The following FBXL2 variants were observed in gnomAD, a reference collection of about 807,000 sequenced individuals.
FBXL2 encodes F-box/LRR-repeat protein 2.
Under a neutral mutation model 69.2 loss-of-function variants are expected in FBXL2, and 38 were observed. That is an observed-to-expected ratio of 0.55 (90% CI 0.42 to 0.72). The LOEUF is 0.72. Among genes scored for constraint, FBXL2 ranks in the 30% least tolerant of loss-of-function variants. The pLI is 0.00. For missense variants in FBXL2, 354 were observed against 520.3 expected (o/e 0.68, Z 3.11); for synonymous variants, 192 against 201.3 (o/e 0.95, Z 0.39).
chr3:33,420,633 C>A, the FBXL2 span, among the ~76,000 whole-genome samples: 1 of 152,088 alleles, frequency 6.6e-6, no homozygotes, highest in African/African-American at 2.4e-5. Context: ...GGACTACAGG[C>A]ACATGCCAGT....
chr3:33,409,413 G>A, the FBXL2 span: 2 of 1,613,880 alleles, frequency 1.2e-6, no homozygotes, highest in Non-Finnish European at 1.7e-6. Flanking sequence ...GCAAAACTGA[G>A]CCTTAATTAC....
chr3:33,411,183 C>T, the FBXL2 span, among the ~76,000 whole-genome samples: 1 of 151,962 alleles, frequency 6.6e-6, no homozygotes, highest in East Asian at 1.9e-4. Context: ...CATTATTATC[C>T]TATTTGTAGA....
intron 2 of FBXL2, among the ~76,000 whole-genome samples, chr3:33,317,059 G>T (rs1028264415): frequency 1.3e-4 from 19 of 151,834 alleles, no homozygotes; most frequent in Admixed American, 1.1e-3. Context: ...ATGCTATCAC[G>T]CCTGGCTAAT....
chr3:33,390,231 C>A, downstream of FBXL2: 1 of 1,219,172 alleles, frequency 8.2e-7, no homozygotes, highest in South Asian at 1.4e-5. Flanking sequence ...TGAAACATTT[C>A]ATATGGTAAA....
chr3:33,319,059 T>C (rs1201035968), intron 2 of FBXL2, among the ~76,000 whole-genome samples: 1 of 152,248 alleles, frequency 6.6e-6, no homozygotes, highest in Non-Finnish European at 1.5e-5. Context: ...GGGAGTTTTC[T>C]AGATTTTCCT....
intron 2 of FBXL2, among the ~76,000 whole-genome samples, chr3:33,328,700 G>T (rs904317490): frequency 1.4e-4 from 22 of 152,054 alleles, no homozygotes; most frequent in Admixed American, 9.2e-4. Flanking sequence ...ACCCAAAATG[G>T]ATTAAAGACT....
intron 12 of FBXL2, chr3:33,402,943 TA>T (rs1405388313): frequency 1.3e-6 from 2 of 1,504,892 alleles, no homozygotes; most frequent in African/African-American, 2.8e-5. Flanking sequence ...GATATGCTTT[TA>T]AAATATGTGG....
intron 2 of FBXL2, among the ~76,000 whole-genome samples, chr3:33,307,425 A>T (rs572605152): frequency 4.7e-4 from 72 of 152,324 alleles, no homozygotes; most frequent in African/African-American, 1.7e-3. Context: ...AAGCCATGAC[A>T]GCCAAATGCA....
At chr3:33,414,874 A>G in the FBXL2 span, among the ~76,000 whole-genome samples, 1 of 152,222 alleles carries the variant, frequency 6.6e-6, no homozygotes, top group Non-Finnish European at 1.5e-5. Context: ...CAGAATAAGT[A>G]ACCTTGTCTA....
In FBXL2 at chr3:33,375,365, C is replaced by G; in HGVS notation, c.735C>G (p.Ser245Arg). 2 of 1,614,212 alleles carry G rather than the reference C, an allele frequency of 1.2e-6. No individual in the cohort carries two copies. Among genetic ancestry groups the G allele is most frequent in the South Asian group, 2.2e-5 (2 of 91,084 alleles). ...AGGCTCTCTGCCTTTCGGGTTGCAG[C>G]AACCTCACAGATGCCTCTCTTACAG... Reference protein sequence around the residue: ...RLQALCLSGCSNLTDASLTAL... With the variant: ...RLQALCLSGCRNLTDASLTAL... Residue 245 changes from serine to arginine, a missense_variant, in exon 10 of 15, where the codon AGC (serine) becomes AGG (arginine). Ser to Arg is a moderately radical substitution (Grantham distance 110, BLOSUM62 -1). Coordinates refer to ENST00000484457, the MANE Select transcript of FBXL2 (RefSeq NM_012157.5).
In FBXL2 at chr3:33,350,005, C is replaced by T. The variant is rs370243099; in HGVS notation, c.66-8962C>T. ...GATACCAGTTCTCTATAATATTGTC[C>T]GGGAAATGGAAGCAGAAGACTTCCC... On this transcript the variant is annotated intron_variant, in intron 2 of 14. Transcript: ENST00000484457. Among the ~76,000 whole-genome samples, 86 of 152,058 alleles carry T rather than the reference C, an allele frequency of 5.7e-4. 1 individual carries two copies. In the South Asian group the frequency reaches 0.016, roughly 29 times the overall value.
At chr3:33,285,925 G>A (rs2034562264) in intron 1 of FBXL2, among the ~76,000 whole-genome samples, 1 of 152,086 alleles carries the variant, frequency 6.6e-6, no homozygotes, top group Non-Finnish European at 1.5e-5. Context: ...ATTTATTCTA[G>A]TTTGCCATTC....
chr3:33,388,143 T>A (rs1243581495), downstream of FBXL2: 1 of 151,996 alleles, frequency 6.6e-6, no homozygotes, highest in Non-Finnish European at 1.5e-5. Flanking sequence ...GTTAGTTAGT[T>A]AGTTAGTTAG....
chr3:33,335,981 C>T (rs2039546709), intron 2 of FBXL2, among the ~76,000 whole-genome samples: 1 of 152,066 alleles, frequency 6.6e-6, no homozygotes, highest in South Asian at 2.1e-4. Context: ...TTTCAATAAC[C>T]TAAATAAATC....
At chr3:33,399,585 A>G (rs534575414) in intron 12 of FBXL2, among the ~76,000 whole-genome samples, 3 of 152,346 alleles carry the variant, frequency 2.0e-5, no homozygotes, top group African/African-American at 4.8e-5. Flanking sequence ...CATTTATATA[A>G]CATTCTCAAA....
At chr3:33,411,600 C>A in the FBXL2 span, 1 of 1,614,072 alleles carries the variant, frequency 6.2e-7, no homozygotes. Flanking sequence ...AGCAGAGGTG[C>A]GTTTTGCTGG....
intron 2 of FBXL2, among the ~76,000 whole-genome samples, chr3:33,331,208 TTGGAA>T (rs906776614): frequency 5.1e-4 from 77 of 152,050 alleles, no homozygotes; most frequent in African/African-American, 1.7e-3. Flanking sequence ...TTCTGTAACT[TTGGAA>T]TGGGACTAGC....
intron 2 of FBXL2, among the ~76,000 whole-genome samples, chr3:33,340,171 G>C (rs1314958590): frequency 1.3e-5 from 2 of 152,272 alleles, no homozygotes; most frequent in African/African-American, 4.8e-5. Flanking sequence ...GAATCTTTTG[G>C]TGTTGAATGT....
At chr3:33,282,367 T>C (rs13097441) in intron 1 of FBXL2, among the ~76,000 whole-genome samples, 1 of 152,134 alleles carries the variant, frequency 6.6e-6, no homozygotes, top group African/African-American at 2.4e-5. Flanking sequence ...AGATGTGTGG[T>C]GTTATTTCTG....
Sources: gnomAD v4.1 joint callset for allele counts (sites outside exome capture counted in the v4.1 genomes callset) on GRCh38, gnomAD v4.1.1 for gene constraint, MANE v1.5 for transcripts, NCBI Gene and HGNC (gene_info 2026-07-23, HGNC 2026-07-21) for gene names.